The following TTPAL variants were observed in gnomAD, a reference collection of about 807,000 sequenced individuals.
TTPAL encodes alpha-tocopherol transfer protein-like.
Under a neutral mutation model 28.7 loss-of-function variants are expected in TTPAL, and 21 were observed. The ratio of observed to expected loss-of-function variants is 0.73; its 90% CI spans 0.52 to 1.06. The LOEUF is 1.06. TTPAL is among the 50% of genes least tolerant of loss of function. The pLI, the probability that TTPAL is intolerant of heterozygous loss-of-function variation, is 0.00. For synonymous variants in TTPAL, 169 were observed against 171.9 expected, an observed-to-expected ratio of 0.98 and a Z score of 0.13; for missense variants, 345 against 425.5, an observed-to-expected ratio of 0.81 and a Z score of 1.67.
At chr20:44,477,519 C>T (rs1331255882) in intron 1 of TTPAL, among the ~76,000 whole-genome samples, 6 of 152,138 alleles carry the variant, frequency 3.9e-5, no homozygotes, top group Admixed American at 3.9e-4. Flanking sequence ...CCACCAGCAT[C>T]TCTCAGCTGG....
intron 3 of TTPAL, 91 bp from the exon 4 acceptor site, chr20:44,486,505 T>C: frequency 3.8e-6 from 3 of 785,510 alleles, no homozygotes; most frequent in Non-Finnish European, 6.6e-6. Context: ...ATCAGACTGA[T>C]GTTGGGGCTG....
chr20:44,494,157 G>C lies in TTPAL; in HGVS notation c.*4616G>C, dbSNP rs892441412. On this transcript the variant is annotated 3_prime_UTR_variant, in exon 5 of 5. Transcript: ENST00000262605. ...CATGCGAAGGATCAATGTGATTTGT[G>C]GATGGAGATGATAGTGATGAAATTC... 1 of 152,478 alleles carries C rather than the reference G, an allele frequency of 6.6e-6. No individual in the cohort carries two copies. The highest frequency in any genetic ancestry group is 2.1e-4 in the South Asian group (1 of 4,830). The allele number at this position is 152,478 out of a possible 1,614,324, so 9.4% of individuals were successfully genotyped here.
chr20:44,489,672 G>C lies in TTPAL; in HGVS notation c.*131G>C. ...ACTGCAGGATGGAGGAACAGCCTGA[G>C]ATATGAGCATGAGCCCATTTTGGGG... On this transcript the variant is annotated 3_prime_UTR_variant, in exon 5 of 5. Transcript: ENST00000262605. The C allele has an allele frequency of 9.5e-7, 1 of 1,051,468 alleles. No individual in the cohort carries two copies. Among genetic ancestry groups the C allele is most frequent in the South Asian group, 1.7e-5 (1 of 59,156 alleles). 65.1% of individuals were successfully genotyped at this position (1,051,468 alleles called of 1,614,324 possible).
rs2064234967 is a variant in TTPAL at position 44,494,323 on chromosome 20, T to G, written c.*4782T>G. 6.5e-6 allele frequency: 1 copy of G among 152,764 alleles called. No homozygotes were observed. Among genetic ancestry groups the G allele is most frequent in the African/African-American group, 2.4e-5 (1 of 41,452 alleles). 9.5% of individuals were successfully genotyped at this position (152,764 alleles called of 1,614,324 possible). ...TAGGAACCTGTTACAAGTGAAATAC[T>G]TGAAACCTCTCTGACCAAGAGCCTC... On this transcript the variant is annotated 3_prime_UTR_variant, in exon 5 of 5. Transcript: ENST00000262605.
chr20:44,487,079 G>A (rs557339597), intron 4 of TTPAL, among the ~76,000 whole-genome samples: 2 of 152,128 alleles, frequency 1.3e-5, no homozygotes, highest in East Asian at 1.9e-4. Context: ...TCAGGAGTTC[G>A]AGACCAGCCT....
Position 44,486,634 on chromosome 20 carries a change from G to A in TTPAL, c.678G>A (p.Val226=), listed in dbSNP as rs1362416065. Residue 226 remains valine, a synonymous_variant, in exon 4 of 5, where the codon GTG becomes GTA. Transcript: ENST00000262605. The stretch of plus-strand genomic sequence containing the variant: ...TTCGGATAAAAGCAGTCCATGTGGT[G>A]AATGAACCTCGAATATTTAAAGGCA... ...FPIRIKAVHV[V]NEPRIFKGIF... is the part of the protein sequence containing the mutation. The A allele has an allele frequency of 6.2e-7, 1 of 1,613,756 alleles. No homozygotes were observed. Among genetic ancestry groups the A allele is most frequent in the Admixed American group, 1.7e-5 (1 of 59,930 alleles).
chr20:44,479,975 C>T lies in TTPAL; in HGVS notation c.-15-10C>T, dbSNP rs1390111486. On this transcript the variant is annotated splice_polypyrimidine_tract_variant and intron_variant, in intron 1 of 4. Coordinates refer to ENST00000262605, the MANE Select transcript of TTPAL (RefSeq NM_001039199.3). ...CTTGTTAACTTTGCTTAGGGCTTCT[C>T]TGTTGGCAGGGACCTTGGTAGCTAA... 20 of 1,604,842 alleles carry T rather than the reference C, an allele frequency of 1.2e-5. No homozygotes were observed. Among genetic ancestry groups the T allele is most frequent in the Admixed American group, 1.7e-5 (1 of 59,406 alleles).
intron 2 of TTPAL, among the ~76,000 whole-genome samples, chr20:44,483,808 T>A (rs1430666190): frequency 6.6e-6 from 1 of 152,026 alleles, no homozygotes; most frequent in Non-Finnish European, 1.5e-5. Context: ...ATACTTTTTT[T>A]TATATTTTTG....
rs2064133717 is a variant in TTPAL, at chr20:44,484,415, C to T, written c.524C>T (p.Ser175Phe). The stretch of plus-strand genomic sequence containing the variant: ...TTGACCTTAGAAAAACTCATTCAGT[C>T]TGAAGAAACCCAGGTGAATGGAATT... ...IYLTLEKLIQSEETQVNGIVI... is the reference protein window; with the variant it reads ...IYLTLEKLIQFEETQVNGIVI... The change falls in exon 3 of 5, where the codon TCT (serine) becomes TTT (phenylalanine). Residue 175 changes from serine (S) to phenylalanine (F), a missense_variant. Coordinates refer to ENST00000262605, the MANE Select transcript of TTPAL (RefSeq NM_001039199.3). 6.2e-7 allele frequency: 1 copy of T among 1,608,244 alleles called. No individual in the cohort carries two copies. The highest frequency in any genetic ancestry group is 1.7e-5 in the Admixed American group (1 of 59,954).
At position 44,489,830 on chromosome 20, in the gene TTPAL, G is replaced by C. The variant is rs2064188668; in HGVS notation, c.*289G>C. 4 of 356,996 alleles carry C rather than the reference G, an allele frequency of 1.1e-5. No individual in the cohort carries two copies. Among genetic ancestry groups the C allele is most frequent in the Non-Finnish European group, 1.5e-5 (3 of 195,522 alleles). 22.1% of individuals were successfully genotyped at this position (356,996 alleles called of 1,614,324 possible). A position where few individuals can be genotyped will look rare whatever the true frequency, so the allele number is the denominator to read the frequency against. On this transcript the variant is annotated 3_prime_UTR_variant, in exon 5 of 5. Coordinates refer to ENST00000262605, the MANE Select transcript of TTPAL (RefSeq NM_001039199.3). ...CTATTTTGTTTTGCTTTTTGGTTGG[G>C]GGGTGGTGATCTGGTTCTTACACAT...
intron 4 of TTPAL, among the ~76,000 whole-genome samples, chr20:44,487,643 C>G (rs1184247811): frequency 6.6e-6 from 1 of 152,228 alleles, no homozygotes; most frequent in Non-Finnish European, 1.5e-5. Context: ...GTCTTCCTTT[C>G]TGACCCAGAA....
intron 1 of TTPAL, 75 bp from the exon 2 acceptor site, chr20:44,479,910 T>C: frequency 1.6e-6 from 2 of 1,249,678 alleles, no homozygotes; most frequent in Non-Finnish European, 2.2e-6. Context: ...GAAGTGTTCC[T>C]GTCCCCTACA....
intron 1 of TTPAL, among the ~76,000 whole-genome samples, chr20:44,477,438 C>G (rs530538509): frequency 6.6e-6 from 1 of 152,064 alleles, no homozygotes; most frequent in Non-Finnish European, 1.5e-5. Context: ...CAGACAATTG[C>G]AACAGGGTGG....
rs779911333 is a variant in TTPAL, at chr20:44,480,192, G to T, written c.193G>T (p.Val65Leu). The change falls in exon 2 of 5, where the codon GTG (valine) becomes TTG (leucine). Residue 65 changes from valine to leucine, a missense_variant. Coordinates refer to ENST00000262605, the MANE Select transcript of TTPAL (RefSeq NM_001039199.3). This position sits in a 1 kb window ranked among gnomAD's most constrained non-coding sequence, Gnocchi z 4.1. ...LRDVQALRDMVRKEYPNLSTS... is the reference protein window; with the variant it reads ...LRDVQALRDMLRKEYPNLSTS... ...AGATGTGCAGGCCCTTCGTGACATG[G>T]TGCGGAAGGAGTACCCCAACCTGAG... The T allele has an allele frequency of 1.2e-6, 2 of 1,614,134 alleles. No homozygotes were observed. Among genetic ancestry groups the T allele is most frequent in the East Asian group, 2.2e-5 (1 of 44,878 alleles).
chr20:44,482,364 A>G (rs1163433453), intron 2 of TTPAL, among the ~76,000 whole-genome samples: 1 of 151,944 alleles, frequency 6.6e-6, no homozygotes, highest in Non-Finnish European at 1.5e-5. Flanking sequence ...TAGCCAACAC[A>G]GTAAACGGCC....
chr20:44,491,554 CTCAT>C lies in TTPAL; in HGVS notation c.*2015_*2018del, dbSNP rs1411456690. ...GTTGGTGGAAATTAAGTTACTTAAC[CTCAT>C]TAATACCAATTCTAGAGAAAGTTCT... On this transcript the variant is annotated 3_prime_UTR_variant, in exon 5 of 5. Coordinates refer to ENST00000262605, the MANE Select transcript of TTPAL (RefSeq NM_001039199.3). 6.6e-6 allele frequency: 1 copy of C among 152,274 alleles called. No individual in the cohort carries two copies. The highest frequency in any genetic ancestry group is 2.4e-5 in the African/African-American group (1 of 41,422). The allele number at this position is 152,274 out of a possible 1,614,324, so 9.4% of individuals were successfully genotyped here. A position where few individuals can be genotyped will look rare whatever the true frequency, so the allele number is the denominator to read the frequency against.
Position 44,480,551 on chromosome 20 carries a change from A to AC in TTPAL, c.445+107_445+108insC. The AC allele has an allele frequency of 8.9e-7, 1 of 1,125,422 alleles. No homozygotes were observed. The highest frequency in any genetic ancestry group is 1.3e-6 in the Non-Finnish European group (1 of 795,210). 69.7% of individuals were successfully genotyped at this position (1,125,422 alleles called of 1,614,324 possible). ...GTCCCTTTTTTACCCCTCCTTTGTT[A>AC]TAGTCAAGGCTCTTTTGATTGCAGA... is the stretch of plus-strand genomic sequence containing the variant. On this transcript the variant is annotated intron_variant, in intron 2 of 4. Transcript: ENST00000262605. The surrounding 1 kb of genome is among the most constrained non-coding windows in gnomAD (Gnocchi z 4.1).
Position 44,480,566 on chromosome 20 carries a change from T to C in TTPAL, c.445+122T>C, listed in dbSNP as rs1228229872. 2 of 1,013,326 alleles carry C rather than the reference T, an allele frequency of 2.0e-6. No homozygotes were observed. Among genetic ancestry groups the C allele is most frequent in the Admixed American group, 2.5e-5 (1 of 39,224 alleles). The allele number at this position is 1,013,326 out of a possible 1,614,324, so 62.8% of individuals were successfully genotyped here. A position where few individuals can be genotyped will look rare whatever the true frequency, so the allele number is the denominator to read the frequency against. ...CTCCTTTGTTATAGTCAAGGCTCTTTTGATTGCAGATAACACAAACCTACT... is the reference window on the plus strand; with the variant it reads ...CTCCTTTGTTATAGTCAAGGCTCTTCTGATTGCAGATAACACAAACCTACT... On this transcript the variant is annotated intron_variant, in intron 2 of 4. Coordinates refer to ENST00000262605, the MANE Select transcript of TTPAL (RefSeq NM_001039199.3). The surrounding 1 kb of genome is among the most constrained non-coding windows in gnomAD (Gnocchi z 4.1).
rs1324128472 is a variant in TTPAL at position 44,480,089 on chromosome 20, C to T, written c.90C>T (p.Gly30=). The T allele has an allele frequency of 6.2e-7, 1 of 1,614,200 alleles. No individual in the cohort carries two copies. The highest frequency in any genetic ancestry group is 2.2e-5 in the East Asian group (1 of 44,886). ...TGCCACCACCACCTGAGCCTCCGGGCTATGTGTGCTCACTGACAGAAGACC... is the reference window on the plus strand; with the variant it reads ...TGCCACCACCACCTGAGCCTCCGGGTTATGTGTGCTCACTGACAGAAGACC... ...NELPPPPEPP[G]YVCSLTEDLV... Residue 30 remains glycine (G), a synonymous_variant, in exon 2 of 5, where the codon GGC becomes GGT. Coordinates refer to ENST00000262605, the MANE Select transcript of TTPAL (RefSeq NM_001039199.3). This position sits in a 1 kb window ranked among gnomAD's most constrained non-coding sequence, Gnocchi z 4.1.
Sources: allele counts gnomAD v4.1 joint callset (sites outside exome capture counted in the v4.1 genomes callset), GRCh38; gene constraint gnomAD v4.1.1; non-coding constraint Gnocchi (gnomAD v3.1); transcripts MANE v1.5; gene names NCBI Gene and HGNC (gene_info 2026-07-23, HGNC 2026-07-21).